SQOR: variants seen among roughly 807,000 people sequenced by gnomAD.
The protein encoded by SQOR is sulfide quinone oxidoreductase, also known as sulfide:quinone oxidoreductase, mitochondrial.
SQOR carries 39 observed loss-of-function variants against 48.6 expected under a neutral mutation model. That is an observed-to-expected ratio of 0.80 (90% confidence interval 0.62 to 1.05). SQOR has a LOEUF of 1.05. Ranked by LOEUF, SQOR falls within the 50% of genes least tolerant of loss-of-function variation. SQOR has a pLI of 0.00. For synonymous variants in SQOR, 220 were observed against 206.2 expected, an observed-to-expected ratio of 1.07 and a Z score of -0.57; for missense variants, 561 against 559.9, an observed-to-expected ratio of 1.00 and a Z score of -0.02.
intron 1 of SQOR, among the ~76,000 whole-genome samples, chr15:45,635,402 G>A (rs1475611282): frequency 1.3e-5 from 2 of 152,218 alleles, no homozygotes; most frequent in African/African-American, 4.8e-5. Context: ...CGAAGTATCC[G>A]TGGTCTTGGT....
chr15:45,662,229 A>G (rs1889733552), intron 3 of SQOR, 104 bp downstream of exon 3: 1 of 1,192,026 alleles, frequency 8.4e-7, no homozygotes, highest in Non-Finnish European at 1.2e-6. Context: ...GTATATATGC[A>G]TGTGTGTGCA....
At chr15:45,648,312 G>T (rs1034472256) in intron 1 of SQOR, among the ~76,000 whole-genome samples, 2 of 151,982 alleles carry the variant, frequency 1.3e-5, no homozygotes, top group Non-Finnish European at 2.9e-5. Flanking sequence ...CCAGTAGCTG[G>T]GATAACAGGC....
intron 2 of SQOR, 56 bp downstream of exon 2, chr15:45,659,213 T>G (rs1458081199): frequency 1.9e-6 from 1 of 517,940 alleles, no homozygotes; most frequent in Non-Finnish European, 2.6e-6. Flanking sequence ...TGTGTGTGAG[T>G]GTGTGTGTGT....
intron 1 of SQOR, among the ~76,000 whole-genome samples, chr15:45,642,260 A>G (rs1895117723): frequency 6.6e-6 from 1 of 152,192 alleles, no homozygotes; most frequent in South Asian, 2.1e-4. Flanking sequence ...TAACAAATGA[A>G]CAACATAGGC....
At chr15:45,650,743 CAG>C (rs1311103173) in intron 1 of SQOR, among the ~76,000 whole-genome samples, 67 of 152,112 alleles carry the variant, frequency 4.4e-4, no homozygotes, top group Non-Finnish European at 2.8e-4. Context: ...GAGCTAGACA[CAG>C]AGTGCTGATT....
intron 1 of SQOR, among the ~76,000 whole-genome samples, chr15:45,641,839 A>C (rs1369763149): frequency 6.6e-6 from 1 of 152,182 alleles, no homozygotes; most frequent in African/African-American, 2.4e-5. Flanking sequence ...GAACAAGTGG[A>C]TATAATGTCA....
chr15:45,676,073 G>A (rs1408414423), intron 5 of SQOR, 28 bp from the exon 6 acceptor site: 4 of 1,594,854 alleles, frequency 2.5e-6, no homozygotes, highest in African/African-American at 1.4e-5. Context: ...TCATGCTTTG[G>A]TGTGAATGGT....
chr15:45,662,574 A>T (rs1326070352), intron 3 of SQOR, among the ~76,000 whole-genome samples: 1 of 152,210 alleles, frequency 6.6e-6, no homozygotes, highest in Non-Finnish European at 1.5e-5. Flanking sequence ...CCAGAACTGT[A>T]GGGGAATCCT....
At chr15:45,647,517 G>C (rs1253154029) in intron 1 of SQOR, among the ~76,000 whole-genome samples, 1 of 151,738 alleles carries the variant, frequency 6.6e-6, no homozygotes, top group African/African-American at 2.4e-5. Flanking sequence ...AGTAGAGATG[G>C]GGTTTCGCCC....
intron 1 of SQOR, among the ~76,000 whole-genome samples, chr15:45,658,665 TCC>T (rs1889659894): frequency 6.6e-6 from 1 of 152,250 alleles, no homozygotes; most frequent in South Asian, 2.1e-4. Context: ...TCAAACAAAG[TCC>T]TCGATAGCCT....
chr15:45,633,125 T>C (rs1345935289), upstream of SQOR, among the ~76,000 whole-genome samples: 1 of 145,794 alleles, frequency 6.9e-6, no homozygotes, highest in Non-Finnish European at 1.5e-5. Context: ...CCTGTCTCAA[T>C]TAAAAAAAAA....
At chr15:45,685,581 C>T (rs1890208312) in intron 7 of SQOR, among the ~76,000 whole-genome samples, 1 of 152,138 alleles carries the variant, frequency 6.6e-6, no homozygotes. Context: ...TCCCGCACGC[C>T]TGCACCCATG....
intron 1 of SQOR, among the ~76,000 whole-genome samples, chr15:45,652,327 TTGAG>T (rs1209164702): frequency 7.2e-5 from 11 of 151,736 alleles, no homozygotes; most frequent in African/African-American, 2.4e-4. Flanking sequence ...TGATCTTCCA[TTGAG>T]TGATTGATTG....
intron 1 of SQOR, among the ~76,000 whole-genome samples, chr15:45,646,652 T>C (rs1283883211): frequency 6.6e-6 from 1 of 152,216 alleles, no homozygotes; most frequent in African/African-American, 2.4e-5. Flanking sequence ...ACATAGTTTT[T>C]TTAAATTTTT....
chr15:45,652,707 C>T (rs1037603910), intron 1 of SQOR, among the ~76,000 whole-genome samples: 1 of 131,988 alleles, frequency 7.6e-6, no homozygotes, highest in Admixed American at 8.4e-5. Flanking sequence ...CACGGTGGCT[C>T]ACACCTGTAA....
At chr15:45,653,297 G>A (rs1889530351) in intron 1 of SQOR, among the ~76,000 whole-genome samples, 1 of 152,164 alleles carries the variant, frequency 6.6e-6, no homozygotes, top group Non-Finnish European at 1.5e-5. Flanking sequence ...CCACACCTGT[G>A]TCTAGCTGAC....
chr15:45,641,956 A>AC (rs1566913526), intron 1 of SQOR, among the ~76,000 whole-genome samples: 5 of 151,738 alleles, frequency 3.3e-5, no homozygotes, highest in African/African-American at 1.2e-4. Context: ...TTCAGACCCC[A>AC]CCCTCACTGT....
chr15:45,680,044 A>G (rs17553285), intron 6 of SQOR, among the ~76,000 whole-genome samples: 25,938 of 152,210 alleles, frequency 0.17, 2,565 homozygotes, highest in Middle Eastern at 0.35. Context: ...TAGATAATGA[A>G]CAAGCTACAA....
At chr15:45,639,331 T>C (rs1409685408) in intron 1 of SQOR, among the ~76,000 whole-genome samples, 1 of 152,256 alleles carries the variant, frequency 6.6e-6, no homozygotes, top group Non-Finnish European at 1.5e-5. Context: ...GCCATGTACA[T>C]AGTAAGTACT....
Sources: gnomAD v4.1 joint callset for allele counts (sites outside exome capture counted in the v4.1 genomes callset) on GRCh38, gnomAD v4.1.1 for gene constraint, MANE v1.5 for transcripts, NCBI Gene and HGNC (gene_info 2026-07-23, HGNC 2026-07-21) for gene names.